SCUBE1: variants seen among roughly 807,000 people sequenced by gnomAD.
The protein encoded by SCUBE1 is signal peptide, CUB and EGF-like domain-containing protein 1.
A neutral mutation model predicts 124.4 loss-of-function variants in SCUBE1; 59 were observed. That is an observed-to-expected ratio of 0.47 (90% CI 0.38 to 0.59). SCUBE1 has a LOEUF of 0.59. Among genes scored for constraint, SCUBE1 ranks in the 20% least tolerant of loss-of-function variants. The probability of loss-of-function intolerance (pLI) is 0.00; values close to 1 mark genes in which losing one functional copy is unlikely to be tolerated. For synonymous variants in SCUBE1, 545 were observed against 550.9 expected (o/e 0.99, Z 0.15); for missense variants, 1,150 against 1,371.2 (o/e 0.84, Z 2.55).
intron 4 of SCUBE1, chr22:43,282,787 C>T (rs1924975798): frequency 6.6e-6 from 1 of 152,078 alleles, no homozygotes; most frequent in Admixed American, 6.6e-5. Context: ...CCTCCGCCTC[C>T]CGGGTTCAAG....
intron 20 of SCUBE1, among the ~76,000 whole-genome samples, 200 bp downstream of exon 20, chr22:43,207,872 C>CACT (rs1156997333): frequency 9.2e-5 from 14 of 152,194 alleles, no homozygotes; most frequent in Non-Finnish European, 1.3e-4. Context: ...CTGCAGAGGC[C>CACT]ACTAACCGCT....
At chr22:43,284,017 G>A (rs1161730365) in intron 4 of SCUBE1, among the ~76,000 whole-genome samples, 2 of 152,226 alleles carry the variant, frequency 1.3e-5, no homozygotes, top group East Asian at 3.9e-4. Flanking sequence ...GCCGGCAGCT[G>A]CTCTAAAGTT....
intron 3 of SCUBE1, among the ~76,000 whole-genome samples, chr22:43,305,460 G>C (rs1207320910): frequency 6.6e-6 from 1 of 152,170 alleles, no homozygotes; most frequent in Non-Finnish European, 1.5e-5. Flanking sequence ...CTGGGGAAGA[G>C]GCTCAGGCGG....
At chr22:43,294,547 T>A (rs892753663) in intron 3 of SCUBE1, among the ~76,000 whole-genome samples, 9 of 152,202 alleles carry the variant, frequency 5.9e-5, no homozygotes, top group African/African-American at 2.2e-4. Context: ...CACACTCTAT[T>A]ATGAGAGGTG....
chr22:43,221,315 G>T (rs760502236), intron 12 of SCUBE1, 26 bp from the exon 13 acceptor site: 3 of 1,535,522 alleles, frequency 2.0e-6, no homozygotes, highest in East Asian at 2.2e-5. Flanking sequence ...ATTCCCCCAG[G>T]TGGTGGCCTC....
chr22:43,284,752 ATCATCG>A (rs758182377), intron 4 of SCUBE1, among the ~76,000 whole-genome samples: 25 of 116,422 alleles, frequency 2.1e-4, no homozygotes, highest in Middle Eastern at 4.1e-3. Context: ...TCTTGCAATC[ATCATCG>A]TCATCGTCGT....
At chr22:43,340,311 C>G (rs1267789771) in intron 1 of SCUBE1, among the ~76,000 whole-genome samples, 1 of 152,160 alleles carries the variant, frequency 6.6e-6, no homozygotes, top group African/African-American at 2.4e-5. Context: ...CATGTCCCAA[C>G]TTATAAATGC....
Position 43,212,559 on chromosome 22 carries a change from C to T in SCUBE1, c.2087G>A (p.Gly696Asp). 1 of 1,566,056 alleles carries T rather than the reference C, an allele frequency of 6.4e-7. No homozygotes were observed. Among genetic ancestry groups the T allele is most frequent in the Non-Finnish European group, 8.6e-7 (1 of 1,156,610 alleles). ...QCSPGFFSAD[G>D]FKPCQACPVG... ...GGGGCAGGCCTGGCAGGGCTTGAAG[C>T]CATCGGCCGAGAAGAAGCCTGGAGA... The change falls in exon 17 of 22, where the codon GGC (glycine) becomes GAC (aspartate). Residue 696 changes from glycine (G) to aspartate (D), a missense_variant. Coordinates refer to ENST00000360835, the MANE Select transcript of SCUBE1 (RefSeq NM_173050.5).
intron 4 of SCUBE1, among the ~76,000 whole-genome samples, chr22:43,268,762 T>G (rs914870570): frequency 6.6e-6 from 1 of 152,194 alleles, no homozygotes; most frequent in African/African-American, 2.4e-5. Context: ...GATAGGCTGT[T>G]GTGGGACTTC....
chr22:43,272,767 G>A (rs1008654744), intron 4 of SCUBE1, among the ~76,000 whole-genome samples: 1 of 152,214 alleles, frequency 6.6e-6, no homozygotes, highest in South Asian at 2.1e-4. Flanking sequence ...GTGTTTACAC[G>A]CAAGCAAAAA....
At position 43,320,078 on chromosome 22, in the gene SCUBE1, G is replaced by T. The variant is rs199752058; in HGVS notation, c.221-13C>A. Reference sequence around the variant, plus strand: ...CACTCGTCAATGTCTGCAAAAGGAAGGGCATGAGAGGTGTCAGAAGAAGAG... The same window carrying T: ...CACTCGTCAATGTCTGCAAAAGGAATGGCATGAGAGGTGTCAGAAGAAGAG... On this transcript the variant is annotated splice_polypyrimidine_tract_variant and intron_variant, in intron 2 of 21. Transcript: ENST00000360835. 5 of 1,613,304 alleles carry T rather than the reference G, an allele frequency of 3.1e-6. No individual in the cohort carries two copies. Among genetic ancestry groups the T allele is most frequent in the Non-Finnish European group, 3.4e-6 (4 of 1,179,578 alleles).
chr22:43,218,592 G>T, intron 14 of SCUBE1, 134 bp from the exon 15 acceptor site: 1 of 878,160 alleles, frequency 1.1e-6, no homozygotes, highest in East Asian at 2.6e-5. Context: ...AACAGTCCTG[G>T]GGCAAGGGGC....
chr22:43,217,030 CCCGCCAGGTG>C (rs1569497551), intron 15 of SCUBE1, among the ~76,000 whole-genome samples: 20 of 124,174 alleles, frequency 1.6e-4, no homozygotes, highest in Admixed American at 7.4e-5. Flanking sequence ...GCTTCCCCAC[CCCGCCAGGTG>C]TCACCTCTTT....
At position 43,210,720 on chromosome 22, in the gene SCUBE1, G is replaced by A. The variant is rs1921510856; in HGVS notation, c.2383+202C>T. ...AACGATGGCCACCACTGTGGGCTCC[G>A]TAGAGTGGGCCAAGCCAGGGCTGCC... On this transcript the variant is annotated intron_variant, in intron 18 of 21. Transcript: ENST00000360835. The surrounding 1 kb of genome is among the most constrained non-coding windows in gnomAD (Gnocchi z 4.5). 1.3e-5 allele frequency among the ~76,000 whole-genome samples: 2 copies of A among 152,174 alleles called. No individual in the cohort carries two copies. The highest frequency in any genetic ancestry group is 2.9e-5 in the Non-Finnish European group (2 of 68,014).
chr22:43,284,923 A>T (rs737753), intron 4 of SCUBE1, among the ~76,000 whole-genome samples: 138,696 of 152,184 alleles, frequency 0.91, 63,265 homozygotes, highest in East Asian at 1. Flanking sequence ...TGGGCTCGAG[A>T]CCCACGAGGA....
chr22:43,220,851 G>C (rs1922059975), intron 13 of SCUBE1, among the ~76,000 whole-genome samples: 1 of 152,118 alleles, frequency 6.6e-6, no homozygotes, highest in Admixed American at 6.5e-5. Flanking sequence ...CCCAGCTCTG[G>C]GCCTGCTGAG....
chr22:43,269,990 T>C (rs897530476), intron 4 of SCUBE1: 2 of 152,178 alleles, frequency 1.3e-5, no homozygotes, highest in African/African-American at 4.8e-5. Flanking sequence ...ACCTCACGGA[T>C]TCCCTGACAA....
intron 3 of SCUBE1, among the ~76,000 whole-genome samples, chr22:43,311,586 A>ATTT (rs551808480): frequency 2.1e-5 from 3 of 143,502 alleles, no homozygotes; most frequent in Admixed American, 2.1e-4. Context: ...AAATCTGGCT[A>ATTT]TTTTTTTTTT....
At chr22:43,339,810 T>G (rs191220075) in intron 1 of SCUBE1, among the ~76,000 whole-genome samples, 1,012 of 45,874 alleles carry the variant, frequency 0.022, 16 homozygotes, top group East Asian at 0.071. Flanking sequence ...CCTCCCCCAC[T>G]CTCCTCATTC....
Sources: gnomAD v4.1 joint callset for allele counts (sites outside exome capture counted in the v4.1 genomes callset) on GRCh38, gnomAD v4.1.1 for gene constraint, Gnocchi (gnomAD v3.1) non-coding constraint, MANE v1.5 for transcripts, NCBI Gene and HGNC (gene_info 2026-07-23, HGNC 2026-07-21) for gene names.